Variants in ISYNA1 observed in about 807,000 individuals in gnomAD.
ISYNA1 encodes MI-1-P synthase.
A neutral mutation model predicts 50.3 loss-of-function variants in ISYNA1; 34 were observed. The observed-to-expected ratio is 0.68, with a 90% CI of 0.51 to 0.90. The LOEUF (loss-of-function observed/expected upper bound fraction) is 0.90. Ranked by LOEUF, ISYNA1 falls within the 40% of genes least tolerant of loss-of-function variation. The pLI is 0.00. For synonymous variants in ISYNA1, 396 were observed against 349.9 expected, an observed-to-expected ratio of 1.13 and a Z score of -1.47; for missense variants, 718 against 784.8, an observed-to-expected ratio of 0.91 and a Z score of 1.02.
chr19:18,436,900 C>T (rs765365223), intron 4 of ISYNA1, 23 bp from the exon 5 acceptor site: 3 of 1,598,412 alleles, frequency 1.9e-6, no homozygotes, highest in Non-Finnish European at 2.6e-6. Flanking sequence ...TCACACTCGG[C>T]CCTGCCCGGA....
chr19:18,436,288 G>A, intron 6 of ISYNA1, 41 bp from the exon 7 acceptor site: 1 of 1,608,168 alleles, frequency 6.2e-7, no homozygotes, highest in Admixed American at 1.7e-5. Context: ...CTGTGTCTGT[G>A]ACTGGCCCTG....
intron 6 of ISYNA1, 41 bp downstream of exon 6, chr19:18,436,289 A>T (rs757190038): frequency 6.2e-7 from 1 of 1,608,798 alleles, no homozygotes; most frequent in Non-Finnish European, 8.5e-7. Flanking sequence ...TGTGTCTGTG[A>T]CTGGCCCTGC....
At position 18,436,145 on chromosome 19, in the gene ISYNA1, C is replaced by T. The variant is rs374356733; in HGVS notation, c.862G>A (p.Ala288Thr). ...GSPQNTLVPG[A>T]LELAWQHRVF... ...CGGTGCTGCCACGCGAGCTCAAGAG[C>T]TCCGGGCACCAGGGTGTTCTGCGGA... is the stretch of plus-strand genomic sequence containing the variant. The change falls in exon 7 of 11, where the codon GCT becomes ACT. Residue 288 changes from alanine (A) to threonine (T), a missense_variant. Around this residue, in one of 3 missense-constraint regions of ISYNA1, gnomAD observed 403 missense variants for 466.6 expected, o/e 0.86. Transcript: ENST00000338128. 286 of 1,612,580 alleles carry T rather than the reference C, an allele frequency of 1.8e-4. No individual in the cohort carries two copies. Among genetic ancestry groups the T allele is most frequent in the Non-Finnish European group, 2.3e-4 (269 of 1,179,984 alleles).
rs992901295 is a variant in ISYNA1, at chr19:18,435,544, C to T, written c.1254+19G>A. ...GCCAAGCCCTGCCTCCCATAGCAGC[C>T]CCTGAAGCCGCGCCGCACCTCACAC... On this transcript the variant is annotated intron_variant, in intron 9 of 10. Transcript: ENST00000338128. 5.0e-6 allele frequency: 8 copies of T among 1,603,926 alleles called. No homozygotes were observed. Among genetic ancestry groups the T allele is most frequent in the Middle Eastern group, 1.7e-4 (1 of 6,056 alleles).
rs770779084 is a variant in ISYNA1 at position 18,436,719 on chromosome 19, C to A, written c.574G>T (p.Ala192Ser). Reference protein sequence around the residue: ...EFIAANQSARADNLIPGSRAQ... With the variant: ...EFIAANQSARSDNLIPGSRAQ... ...CGCGAGCCTGGGATGAGGTTGTCCG[C>A]GCGCGCGCTCTGGTTGGCCGCGATG... The change falls in exon 5 of 11, where the codon GCG becomes TCG. Residue 192 changes from alanine (A) to serine (S), a missense_variant. Physicochemically the swap from Ala to Ser is moderately conservative, Grantham distance 99. This residue lies in a region of ISYNA1 where 403 missense variants were observed against 466.6 expected (regional missense o/e 0.86). Transcript: ENST00000338128. The A allele has an allele frequency of 1.3e-6, 2 of 1,564,350 alleles. No individual in the cohort carries two copies. The highest frequency in any genetic ancestry group is 2.7e-5 in the African/African-American group (2 of 73,312).
Position 18,438,082 on chromosome 19 carries a change from AC to A in ISYNA1, c.-10+10del. The A allele has an allele frequency of 8.1e-7, 1 of 1,228,438 alleles. No homozygotes were observed. The highest frequency in any genetic ancestry group is 1.1e-6 in the Non-Finnish European group (1 of 917,088). 76.1% of individuals were successfully genotyped at this position (1,228,438 alleles called of 1,614,324 possible). ...CCCACGGAGGCCGTCCCTGCCCCGA[AC>A]CGCACTCACCGGCGCAGAGTCGACT... On this transcript the variant is annotated intron_variant, in intron 1 of 10. Transcript: ENST00000338128.
chr19:18,436,228 G>C lies in ISYNA1; in HGVS notation c.779C>G (p.Pro260Arg), dbSNP rs1478139808. ...RTIELGLEVS[P>R]STLFAVASIL... ...GCTGGCCACGGCGAAGAGCGTGGAG[G>C]GCGACACCTCCAGACCGAGCTGTGG... The change falls in exon 7 of 11, where the codon CCC becomes CGC. Residue 260 changes from proline to arginine, a missense_variant. Pro to Arg is a moderately radical substitution (Grantham distance 103). Around this residue, in one of 3 missense-constraint regions of ISYNA1, gnomAD observed 403 missense variants for 466.6 expected, o/e 0.86. Transcript: ENST00000338128. 6.2e-7 allele frequency: 1 copy of C among 1,609,150 alleles called. No individual in the cohort carries two copies. The highest frequency in any genetic ancestry group is 8.5e-7 in the Non-Finnish European group (1 of 1,179,988).
At chr19:18,435,703 G>C in intron 8 of ISYNA1, 27 bp from the exon 9 acceptor site, 3 of 1,611,246 alleles carry the variant, frequency 1.9e-6, no homozygotes, top group Non-Finnish European at 2.5e-6. Flanking sequence ...GTTTGCCCGG[G>C]TCCCTGCCAC....
At chr19:18,437,155 C>CCGCG in intron 3 of ISYNA1, 50 bp from the exon 4 acceptor site, 3 of 1,523,776 alleles carry the variant, frequency 2.0e-6, no homozygotes, top group Non-Finnish European at 2.6e-6. Flanking sequence ...GGTGAAAGGG[C>CCGCG]CGCGACCCGG....
Position 18,436,673 on chromosome 19 carries a change from T to C in ISYNA1, c.609+11A>G, listed in dbSNP as rs1029172674. 4 of 1,577,948 alleles carry C rather than the reference T, an allele frequency of 2.5e-6. No homozygotes were observed. Among genetic ancestry groups the C allele is most frequent in the South Asian group, 1.1e-5 (1 of 87,452 alleles). ...GTGGCAGGAAGCAAGGGATGCGGGA[T>C]GGGACAGCACCTGCTGCGCACGCGA... On this transcript the variant is annotated intron_variant, in intron 5 of 10. Transcript: ENST00000338128.
At position 18,434,995 on chromosome 19, in the gene ISYNA1, CCTTT is replaced by C. The variant is rs771274606; in HGVS notation, c.1591_1594del (p.Lys531AspfsTer48). The C allele has an allele frequency of 7.4e-6, 12 of 1,613,328 alleles. No homozygotes were observed. In the African/African-American group the frequency reaches 8.0e-5, roughly 11 times the overall value. ...GCCATTGGTGGCAGCGGGTACCGGT[CCTTT>C]CTTGTTCAACATAGGGTAGGTGGCA... is the stretch of plus-strand genomic sequence containing the variant. On this transcript the variant is annotated frameshift_variant, in exon 11 of 11. Coordinates refer to ENST00000338128, the MANE Select transcript of ISYNA1 (RefSeq NM_016368.5). LOFTEE classifies it low-confidence loss of function (END_TRUNC).
rs750054700 is a variant in ISYNA1, at chr19:18,437,898, G to A, written c.82C>T (p.Arg28Trp). 1 of 1,612,034 alleles carries A rather than the reference G, an allele frequency of 6.2e-7. No individual in the cohort carries two copies. Among genetic ancestry groups the A allele is most frequent in the Non-Finnish European group, 8.5e-7 (1 of 1,179,778 alleles). The change falls in exon 2 of 11, where the codon CGG (arginine) becomes TGG (tryptophan). Residue 28 changes from arginine (R) to tryptophan (W), a missense_variant. Coordinates refer to ENST00000338128, the MANE Select transcript of ISYNA1 (RefSeq NM_016368.5). ...CCCTCGCGGCTGACGCGCGTCGTCC[G>A]GTACTCGTATTGCGCCTCGATGGCC... The part of the protein sequence containing the change: ...PEAIEAQYEY[R>W]TTRVSREGGV...
At position 18,435,421 on chromosome 19, in the gene ISYNA1, G is replaced by T. The variant is rs376478643; in HGVS notation, c.1317C>A (p.Arg439=). 4 of 1,610,684 alleles carry T rather than the reference G, an allele frequency of 2.5e-6. No homozygotes were observed. The African/African-American group carries it at 5.3e-5, about 22-fold the overall frequency. ...GGTCCATGTCAGTGCAGAAGCTCAC[G>T]CGCTGGCACAGCTCGGTCAGCAGCG... ...DLALLTELCQ[R]VSFCTDMDPE... is the part of the protein sequence containing the mutation. The change falls in exon 10 of 11, where the codon CGC becomes CGA. Residue 439 remains arginine (R), a synonymous_variant. Transcript: ENST00000338128.
chr19:18,435,834 A>T lies in ISYNA1; in HGVS notation c.1063T>A (p.Ser355Thr), dbSNP rs1973984449. Reference sequence around the variant, plus strand: ...ATGTCGTCCACCACGTTGCTCTTGGACACCTCCTTAGAGCGGAACTGCAAT... The same window carrying T: ...ATGTCGTCCACCACGTTGCTCTTGGTCACCTCCTTAGAGCGGAACTGCAAT... ...APLQFRSKEV[S>T]KSNVVDDMVQ... The change falls in exon 8 of 11, where the codon TCC (serine) becomes ACC (threonine). Residue 355 changes from serine to threonine, a missense_variant. Physicochemically the swap from Ser to Thr is moderately conservative, Grantham distance 58. Transcript: ENST00000338128. 6.2e-7 allele frequency: 1 copy of T among 1,613,960 alleles called. No homozygotes were observed. The highest frequency in any genetic ancestry group is 2.2e-5 in the East Asian group (1 of 44,886).
chr19:18,436,127 G>A lies in ISYNA1; in HGVS notation c.880C>T (p.Gln294Ter). The A allele has an allele frequency of 6.2e-7, 1 of 1,612,866 alleles. No homozygotes were observed. The highest frequency in any genetic ancestry group is 8.5e-7 in the Non-Finnish European group (1 of 1,179,944). Residue 294 changes from glutamine to a stop codon, truncating the protein, a stop_gained, in exon 7 of 11, where the codon CAG (glutamine) becomes TAG (stop). Transcript: ENST00000338128. LOFTEE classifies it high-confidence loss of function. ...LVPGALELAW[Q>*]HRVFVGGDDF... ...TCTCCGCCCACAAAAACCCGGTGCT[G>A]CCACGCGAGCTCAAGAGCTCCGGGC... is the stretch of plus-strand genomic sequence containing the variant.
rs767258993 is a variant in ISYNA1, at chr19:18,437,897, C to G, written c.83G>C (p.Arg28Pro). Residue 28 changes from arginine to proline, a missense_variant, in exon 2 of 11, where the codon CGG becomes CCG. Coordinates refer to ENST00000338128, the MANE Select transcript of ISYNA1 (RefSeq NM_016368.5). Reference sequence around the variant, plus strand: ...ACCCTCGCGGCTGACGCGCGTCGTCCGGTACTCGTATTGCGCCTCGATGGC... The same window carrying G: ...ACCCTCGCGGCTGACGCGCGTCGTCGGGTACTCGTATTGCGCCTCGATGGC... ...PEAIEAQYEY[R>P]TTRVSREGGV... 7.4e-6 allele frequency: 12 copies of G among 1,611,936 alleles called. No homozygotes were observed. Among genetic ancestry groups the G allele is most frequent in the Admixed American group, 5.0e-5 (3 of 59,986 alleles).
Position 18,435,889 on chromosome 19 carries a change from G to A in ISYNA1, c.1008C>T (p.Gly336=), listed in dbSNP as rs1973988726. The A allele has an allele frequency of 6.2e-7, 1 of 1,614,044 alleles. No individual in the cohort carries two copies. The highest frequency in any genetic ancestry group is 8.5e-7 in the Non-Finnish European group (1 of 1,179,964). The change falls in exon 8 of 11, where the codon GGC becomes GGT. Residue 336 remains glycine, a synonymous_variant. Transcript: ENST00000338128. ...CCGATAGGTTCTCCCCATCGTTGTT[G>A]CCCAGGTGGTTGTAACTCACGATGG... ...TMSIVSYNHL[G]NNDGENLSAP...
In ISYNA1 at chr19:18,435,760, G is replaced by A. The variant is rs1183319582; in HGVS notation, c.1137C>T (p.His379=). Residue 379 remains histidine (H), a synonymous_variant, in exon 8 of 11, where the codon CAC becomes CAT. Transcript: ENST00000338128. ...CCCGCGCCCGCGCCCCACGCACGCA[G>A]TGGTCAGGCTCTTCGCCGGGCGTAT... ...VLYTPGEEPD[H]CVVIKYVPYV... is the part of the protein sequence containing the mutation. 3 of 1,612,928 alleles carry A rather than the reference G, an allele frequency of 1.9e-6. No homozygotes were observed. Among genetic ancestry groups the A allele is most frequent in the Non-Finnish European group, 2.5e-6 (3 of 1,179,712 alleles).
Position 18,437,539 on chromosome 19 carries a change from C to T in ISYNA1, c.282+60G>A, listed in dbSNP as rs575406478. On this transcript the variant is annotated intron_variant, in intron 3 of 10. Coordinates refer to ENST00000338128, the MANE Select transcript of ISYNA1 (RefSeq NM_016368.5). ...GAGCCCCGCCCCCTGCAGGCTCCCG[C>T]CCCCGCCCGCAAGGACTCCCACCAA... 4.1e-3 allele frequency: 5,171 copies of T among 1,253,076 alleles called. 13 individuals carry two copies. The highest frequency in any genetic ancestry group is 5.3e-3 in the Middle Eastern group (18 of 3,426). The allele number at this position is 1,253,076 out of a possible 1,614,324, so 77.6% of individuals were successfully genotyped here.
Sources: allele counts gnomAD v4.1 joint callset, GRCh38; gene constraint gnomAD v4.1.1; regional missense constraint gnomAD v4.1.1; transcripts MANE v1.5; gene names NCBI Gene and HGNC (gene_info 2026-07-23, HGNC 2026-07-21).